The following ZNF500 variants were observed in gnomAD, a reference collection of about 807,000 sequenced individuals.
ZNF500 encodes the protein zinc finger protein 500.
ZNF500 carries 31 observed loss-of-function variants against 30.1 expected under a neutral mutation model. That is an observed-to-expected ratio of 1.03 (90% CI 0.77 to 1.39). The LOEUF (loss-of-function observed/expected upper bound fraction) is 1.39. Among genes scored for constraint, ZNF500 ranks in the 40% most tolerant of loss-of-function variants. The pLI is 0.00. For missense variants in ZNF500, 817 were observed against 657.8 expected (o/e 1.24, Z -2.65); for synonymous variants, 392 against 282.0 (o/e 1.39, Z -3.91).
downstream of ZNF500, chr16:4,747,731 G>C (rs1237769345): frequency 6.6e-6 from 9 of 1,368,258 alleles, no homozygotes; most frequent in Non-Finnish European, 8.8e-6. Flanking sequence ...ACTAGCAGGG[G>C]CATTCCAGAG....
intron 4 of ZNF500, among the ~76,000 whole-genome samples, 170 bp from the exon 5 acceptor site, chr16:4,760,758 C>T (rs529175781): frequency 5.9e-5 from 9 of 152,308 alleles, no homozygotes; most frequent in Middle Eastern, 3.4e-3. Context: ...CTGGTGTCTC[C>T]GCCCACTGCT....
chr16:4,757,028 A>G (rs948912612), intron 5 of ZNF500, among the ~76,000 whole-genome samples: 4 of 152,102 alleles, frequency 2.6e-5, no homozygotes, highest in Admixed American at 6.6e-5. Context: ...ACTGCACCCA[A>G]CCTGGGTGAC....
At position 4,751,840 on chromosome 16, in the gene ZNF500, C is replaced by T. The variant is rs531481518; in HGVS notation, c.*536G>A. The T allele has an allele frequency of 2.0e-3, 1,105 of 555,340 alleles. 5 individuals are homozygous for T. The highest frequency in any genetic ancestry group is 3.1e-3 in the Non-Finnish European group (1,002 of 319,412). The allele number at this position is 555,340 out of a possible 1,614,324, so 34.4% of individuals were successfully genotyped here. ...GGAGGAACACTTGAGCCCAGGGATT[C>T]GAGGCTGCAGTGAGCTATGATCATG... On this transcript the variant is annotated 3_prime_UTR_variant, in exon 6 of 6. Coordinates refer to ENST00000219478, the MANE Select transcript of ZNF500 (RefSeq NM_021646.4).
At chr16:4,753,290 G>A (rs376510006) in intron 5 of ZNF500, 44 of 731,052 alleles carry the variant, frequency 6.0e-5, no homozygotes, top group Middle Eastern at 8.3e-4. Context: ...GTGAGATCTC[G>A]TCTCTACAGA....
In ZNF500 at chr16:4,752,925, G is replaced by T. The variant is rs1213845131; in HGVS notation, c.894C>A (p.Val298=). 6.2e-7 allele frequency: 1 copy of T among 1,613,562 alleles called. No individual in the cohort carries two copies. Among genetic ancestry groups the T allele is most frequent in the Non-Finnish European group, 8.5e-7 (1 of 1,179,948 alleles). The change falls in exon 6 of 6, where the codon GTC becomes GTA. Residue 298 remains valine (V), a synonymous_variant. Coordinates refer to ENST00000219478, the MANE Select transcript of ZNF500 (RefSeq NM_021646.4). ...HPLPGQRPAP[V]RGLVRPDQPR... ...GCTGATCAGGCCTGACCAAGCCCCT[G>T]ACTGGGGCTGGCCTCTGACCTGGGA...
chr16:4,762,976 C>T (rs1170460773), intron 2 of ZNF500: 2 of 985,322 alleles, frequency 2.0e-6, no homozygotes, highest in African/African-American at 3.5e-5. Context: ...AATCGTTTCC[C>T]CATCACATTC....
downstream of ZNF500, chr16:4,746,876 G>C: frequency 6.8e-7 from 1 of 1,464,718 alleles, no homozygotes; most frequent in Non-Finnish European, 9.1e-7. Context: ...AACAAGAGTT[G>C]GAACACCAGG....
intron 2 of ZNF500, among the ~76,000 whole-genome samples, chr16:4,764,721 G>GA (rs60192042): frequency 0.016 from 2,336 of 149,762 alleles, 65 homozygotes; most frequent in African/African-American, 0.055. Flanking sequence ...GGCGGAGCTT[G>GA]CAGTGAGCCG....
downstream of ZNF500, chr16:4,747,733 A>G (rs1179551664): frequency 1.5e-6 from 2 of 1,371,594 alleles, no homozygotes; most frequent in African/African-American, 2.9e-5. Context: ...TAGCAGGGGC[A>G]TTCCAGAGGC....
At chr16:4,761,221 G>C (rs1385870195) in intron 4 of ZNF500, among the ~76,000 whole-genome samples, 1 of 152,068 alleles carries the variant, frequency 6.6e-6, no homozygotes, top group African/African-American at 2.4e-5. Context: ...TGGATCATCT[G>C]AGGTCAGGAG....
Position 4,765,608 on chromosome 16 carries a change from A to T in ZNF500, c.371T>A (p.Leu124His), listed in dbSNP as rs2082255986. ...QPESGEEAVVLVEGLQRKPRK... is the reference protein window; with the variant it reads ...QPESGEEAVVHVEGLQRKPRK... ...GGGCTTCCGCTGCAGCCCTTCCACAAGGACCACGGCCTCCTCACCGCTCTC... is the reference window on the plus strand; with the variant it reads ...GGGCTTCCGCTGCAGCCCTTCCACATGGACCACGGCCTCCTCACCGCTCTC... The change falls in exon 2 of 6, where the codon CTT (leucine) becomes CAT (histidine). Residue 124 changes from leucine to histidine, a missense_variant. Leu to His is a moderately conservative substitution (Grantham distance 99, BLOSUM62 -3). Coordinates refer to ENST00000219478, the MANE Select transcript of ZNF500 (RefSeq NM_021646.4). 2 of 1,611,104 alleles carry T rather than the reference A, an allele frequency of 1.2e-6. No individual in the cohort carries two copies. Among genetic ancestry groups the T allele is most frequent in the African/African-American group, 1.3e-5 (1 of 74,820 alleles).
At position 4,760,549 on chromosome 16, in the gene ZNF500, C is replaced by T. The variant is rs2082186593; in HGVS notation, c.703G>A (p.Gly235Arg). The T allele has an allele frequency of 6.2e-7, 1 of 1,613,668 alleles. No individual in the cohort carries two copies. Among genetic ancestry groups the T allele is most frequent in the African/African-American group, 1.3e-5 (1 of 74,930 alleles). The change falls in exon 5 of 6, where the codon GGG (glycine) becomes AGG (arginine). Residue 235 changes from glycine to arginine, a missense_variant. By Grantham distance (125) the Gly-to-Arg change is moderately radical (BLOSUM62 -2). Transcript: ENST00000219478. ...GGGTCCATGCATCTTGGCTCCTCCC[C>T]AGAAAGGTATACAGCCACGTCCTCC... ...NLEDVAVYLS[G>R]EEPRCMDPAQ...
chr16:4,746,434 T>A, downstream of ZNF500: 5 of 1,613,606 alleles, frequency 3.1e-6, no homozygotes, highest in Non-Finnish European at 4.2e-6. Context: ...GCCCAGGGCA[T>A]GAGGCTTAAC....
downstream of ZNF500, chr16:4,746,795 C>T (rs2082022822): frequency 1.1e-6 from 1 of 874,362 alleles, no homozygotes; most frequent in Non-Finnish European, 1.7e-6. Context: ...GGCAGGACGT[C>T]CACCGGCCTC....
At chr16:4,754,513 A>T (rs570389672) in intron 5 of ZNF500, among the ~76,000 whole-genome samples, 24 of 152,054 alleles carry the variant, frequency 1.6e-4, no homozygotes, top group Admixed American at 3.3e-4. Flanking sequence ...AAAATAAAAA[A>T]ATTAGTTGGG....
chr16:4,762,335 C>T lies in ZNF500; in HGVS notation c.599G>A (p.Gly200Asp). The change falls in exon 4 of 6, where the codon GGC becomes GAC. Residue 200 changes from glycine to aspartate, a missense_variant and splice_region_variant. Physicochemically the swap from Gly to Asp is moderately conservative, Grantham distance 94. Coordinates refer to ENST00000219478, the MANE Select transcript of ZNF500 (RefSeq NM_021646.4). ...CTCCTGATGCCGGGGAGCTGGAGGG[C>T]CTGGGAAGGAGCAGAGTCACCACCA... ...QRGPLLWPER[G>D]PPAPRHQEMA... 4 of 1,605,444 alleles carry T rather than the reference C, an allele frequency of 2.5e-6. No homozygotes were observed. The highest frequency in any genetic ancestry group is 3.4e-6 in the Non-Finnish European group (4 of 1,176,046).
At chr16:4,747,143 G>A (rs1162964191), downstream of ZNF500, 6 of 1,221,854 alleles carry the variant, frequency 4.9e-6, no homozygotes, top group African/African-American at 3.1e-5. Flanking sequence ...CACCGCACAG[G>A]GTGAGGGGGA....
At chr16:4,747,506 T>C, downstream of ZNF500, 2 of 1,613,292 alleles carry the variant, frequency 1.2e-6, no homozygotes, top group Non-Finnish European at 8.5e-7. Context: ...CATGAAGCTC[T>C]GTGCCAAGGG....
chr16:4,746,951 T>C, downstream of ZNF500: 2 of 1,553,576 alleles, frequency 1.3e-6, no homozygotes, highest in African/African-American at 1.4e-5. Flanking sequence ...CCTCTGACAG[T>C]GAGGAGGAGG....
Sources: allele counts gnomAD v4.1 joint callset (sites outside exome capture counted in the v4.1 genomes callset), GRCh38; gene constraint gnomAD v4.1.1; transcripts MANE v1.5; gene names NCBI Gene and HGNC (gene_info 2026-07-23, HGNC 2026-07-21).